The following SMURF1 variants were observed in gnomAD, a reference collection of about 807,000 sequenced individuals.
SMURF1 encodes the protein E3 ubiquitin-protein ligase SMURF1.
Under a neutral mutation model 98.0 loss-of-function variants are expected in SMURF1, and 44 were observed. The observed-to-expected ratio is 0.45, with a 90% CI of 0.35 to 0.58. SMURF1 has a LOEUF of 0.58. Among genes scored for constraint, SMURF1 ranks in the 20% least tolerant of loss-of-function variants. SMURF1 has a pLI of 0.00. For synonymous variants in SMURF1, 396 were observed against 374.9 expected (o/e 1.06, Z -0.65); for missense variants, 687 against 938.4 (o/e 0.73, Z 3.50).
intron 1 of SMURF1, among the ~76,000 whole-genome samples, chr7:99,090,332 A>T (rs1796780764): frequency 6.6e-6 from 1 of 152,174 alleles, no homozygotes; most frequent in African/African-American, 2.4e-5. Flanking sequence ...AAGTAGAACT[A>T]GTTGATCATG....
At chr7:99,074,348 TAGAC>T (rs529366716) in intron 1 of SMURF1, among the ~76,000 whole-genome samples, 2 of 152,178 alleles carry the variant, frequency 1.3e-5, no homozygotes, top group South Asian at 2.1e-4. Context: ...TAAACATCAA[TAGAC>T]AGAATAGAAA....
At chr7:99,072,837 T>G (rs777118482) in intron 1 of SMURF1, among the ~76,000 whole-genome samples, 9 of 152,232 alleles carry the variant, frequency 5.9e-5, no homozygotes, top group Non-Finnish European at 1.3e-4. Flanking sequence ...AACGGTATTA[T>G]TTTGCCTGGT....
chr7:99,041,108 A>G (rs547246284), intron 12 of SMURF1, among the ~76,000 whole-genome samples: 255 of 152,346 alleles, frequency 1.7e-3, no homozygotes, highest in Non-Finnish European at 3.2e-3. Context: ...GCCAAATCAA[A>G]TAACAATCCT....
chr7:99,096,626 A>G (rs1365181428), intron 1 of SMURF1, among the ~76,000 whole-genome samples: 2 of 152,236 alleles, frequency 1.3e-5, no homozygotes, highest in Admixed American at 6.5e-5. Context: ...ACAATCCTAT[A>G]TGTGTTTGTA....
chr7:99,052,075 C>T, intron 7 of SMURF1, 130 bp downstream of exon 7: 2 of 1,294,660 alleles, frequency 1.5e-6, no homozygotes, highest in Non-Finnish European at 1.0e-6. Context: ...GTCAAGGCTG[C>T]CGTGAGCCAT....
chr7:99,109,032 T>C (rs1797264246), intron 1 of SMURF1, among the ~76,000 whole-genome samples: 1 of 152,198 alleles, frequency 6.6e-6, no homozygotes, highest in South Asian at 2.1e-4. Flanking sequence ...TCTGCTATAC[T>C]CTCTCTATAA....
At chr7:99,032,108 A>G (rs753801169) in intron 17 of SMURF1, among the ~76,000 whole-genome samples, 10 of 152,358 alleles carry the variant, frequency 6.6e-5, no homozygotes, top group African/African-American at 2.2e-4. Flanking sequence ...ACTAAAAACT[A>G]TACAATTTTC....
intron 3 of SMURF1, among the ~76,000 whole-genome samples, chr7:99,059,226 C>T (rs1229925684): frequency 4.0e-5 from 6 of 150,470 alleles, no homozygotes; most frequent in Non-Finnish European, 8.9e-5. Flanking sequence ...GGTGAAACCC[C>T]GTCTCTACTA....
chr7:99,047,659 T>A, intron 10 of SMURF1, 25 bp downstream of exon 10: 1 of 1,611,838 alleles, frequency 6.2e-7, no homozygotes. Flanking sequence ...GAACAGGGTC[T>A]GGGCAGTGGC....
At chr7:99,133,557 T>C (rs557231394) in intron 1 of SMURF1, among the ~76,000 whole-genome samples, 6 of 150,988 alleles carry the variant, frequency 4.0e-5, no homozygotes, top group East Asian at 1.9e-4. Context: ...ACGCCACTGG[T>C]GGAAAATGTA....
intron 1 of SMURF1, among the ~76,000 whole-genome samples, chr7:99,086,747 A>G (rs558655933): frequency 6.6e-6 from 1 of 152,368 alleles, no homozygotes; most frequent in South Asian, 2.1e-4. Flanking sequence ...AGAATGAAGT[A>G]TTAATCCATA....
chr7:99,121,974 T>C (rs2056659), intron 1 of SMURF1, among the ~76,000 whole-genome samples: 66,539 of 151,990 alleles, frequency 0.44, 16,599 homozygotes, highest in East Asian at 0.64. Flanking sequence ...AGCTGCTTGA[T>C]ATAGTCAGCA....
At chr7:99,113,262 A>G (rs972918096) in intron 1 of SMURF1, among the ~76,000 whole-genome samples, 2 of 152,204 alleles carry the variant, frequency 1.3e-5, no homozygotes, top group African/African-American at 4.8e-5. Context: ...CAAAGAGAGA[A>G]TCCTGAAAAC....
At chr7:99,053,659 T>C (rs1341066356) in intron 6 of SMURF1, among the ~76,000 whole-genome samples, 1 of 152,192 alleles carries the variant, frequency 6.6e-6, no homozygotes, top group Non-Finnish European at 1.5e-5. Context: ...GTTTGTTGAT[T>C]ATATTCCCTT....
chr7:99,079,974 G>T (rs1305844393), intron 1 of SMURF1, among the ~76,000 whole-genome samples: 1 of 148,622 alleles, frequency 6.7e-6, no homozygotes, highest in East Asian at 2.0e-4. Flanking sequence ...CCAGAAGCCG[G>T]TTCTTTTAAA....
intron 1 of SMURF1, among the ~76,000 whole-genome samples, chr7:99,068,467 T>C (rs1018162822): frequency 2.0e-5 from 3 of 152,118 alleles, no homozygotes; most frequent in Admixed American, 1.3e-4. Flanking sequence ...ATTTTCCTAT[T>C]TTTAAAAAAT....
chr7:99,051,713 T>C (rs1395160695), intron 7 of SMURF1, among the ~76,000 whole-genome samples: 1 of 152,224 alleles, frequency 6.6e-6, no homozygotes, highest in Non-Finnish European at 1.5e-5. Context: ...ACTTGATTTC[T>C]AAACTGGGAG....
At chr7:99,051,124 TCAA>T in intron 8 of SMURF1, 1 of 863,870 alleles carries the variant, frequency 1.2e-6, no homozygotes, top group South Asian at 1.7e-5. Flanking sequence ...GTAACCAACT[TCAA>T]CAATGATCAT....
intron 1 of SMURF1, among the ~76,000 whole-genome samples, chr7:99,135,908 T>C (rs777819497): frequency 3.3e-5 from 5 of 152,220 alleles, no homozygotes; most frequent in African/African-American, 4.8e-5. Context: ...TCACAGAAGA[T>C]TTTCAATCTC....
Sources: gnomAD v4.1 joint callset for allele counts (sites outside exome capture counted in the v4.1 genomes callset) on GRCh38, gnomAD v4.1.1 for gene constraint, MANE v1.5 for transcripts, NCBI Gene and HGNC (gene_info 2026-07-23, HGNC 2026-07-21) for gene names.